LRP12: variants seen among roughly 807,000 people sequenced by gnomAD.
LRP12 encodes LDL receptor related protein 12, also known as low-density lipoprotein receptor-related protein 12.
A neutral mutation model predicts 66.0 loss-of-function variants in LRP12; 14 were observed. The ratio of observed to expected loss-of-function variants is 0.21; its 90% CI spans 0.14 to 0.33. LRP12 has a LOEUF of 0.33. LRP12 is among the 10% of genes least tolerant of loss of function. The pLI is 1.00. For synonymous variants in LRP12, 357 were observed against 359.1 expected (o/e 0.99, Z 0.07); for missense variants, 889 against 1,053.4 (o/e 0.84, Z 2.16).
chr8:104,550,653 A>G (rs1403830776), intron 1 of LRP12, among the ~76,000 whole-genome samples: 1 of 151,936 alleles, frequency 6.6e-6, no homozygotes, highest in Non-Finnish European at 1.5e-5. Flanking sequence ...TTCATGCACT[A>G]TATATTAAGT....
chr8:104,540,883 G>A (rs1212196674), intron 1 of LRP12, among the ~76,000 whole-genome samples: 1 of 152,114 alleles, frequency 6.6e-6, no homozygotes, highest in Non-Finnish European at 1.5e-5. Flanking sequence ...ACAGGCACGT[G>A]CCATCACGCC....
chr8:104,559,435 T>C (rs948307550), intron 1 of LRP12, among the ~76,000 whole-genome samples: 1 of 150,126 alleles, frequency 6.7e-6, no homozygotes, highest in Non-Finnish European at 1.5e-5. Flanking sequence ...AATGATACAA[T>C]GGACTTTGGG....
intron 1 of LRP12, among the ~76,000 whole-genome samples, chr8:104,560,859 A>G (rs924420770): frequency 2.0e-5 from 3 of 152,192 alleles, no homozygotes; most frequent in African/African-American, 7.2e-5. Flanking sequence ...CTCTTAGCCT[A>G]GAGTGATACT....
chr8:104,547,846 T>C (rs1437695375), intron 1 of LRP12, among the ~76,000 whole-genome samples: 3 of 128,350 alleles, frequency 2.3e-5, no homozygotes, highest in African/African-American at 8.6e-5. Flanking sequence ...TAATTCTATG[T>C]TATATTTTGT....
chr8:104,578,825 A>C (rs1287974481), intron 1 of LRP12, among the ~76,000 whole-genome samples: 3 of 152,148 alleles, frequency 2.0e-5, no homozygotes, highest in Non-Finnish European at 4.4e-5. Context: ...AAAGACAAAA[A>C]CCACATGATT....
At chr8:104,548,496 T>C (rs1450287443) in intron 1 of LRP12, among the ~76,000 whole-genome samples, 1 of 127,710 alleles carries the variant, frequency 7.8e-6, no homozygotes, top group East Asian at 2.2e-4. Flanking sequence ...TTGTATCTAA[T>C]ATATAATTCT....
At chr8:104,570,959 G>A (rs1313507429) in intron 1 of LRP12, among the ~76,000 whole-genome samples, 1 of 152,162 alleles carries the variant, frequency 6.6e-6, no homozygotes, top group African/African-American at 2.4e-5. Flanking sequence ...AGAAGTATAT[G>A]AGAAGATGTT....
intron 2 of LRP12, among the ~76,000 whole-genome samples, chr8:104,519,116 A>T (rs976095049): frequency 6.6e-6 from 1 of 152,104 alleles, no homozygotes; most frequent in Admixed American, 6.6e-5. Context: ...ACTTTGATTC[A>T]AAAGTCCTCT....
At chr8:104,563,083 G>A (rs892375694) in intron 1 of LRP12, among the ~76,000 whole-genome samples, 3 of 152,078 alleles carry the variant, frequency 2.0e-5, no homozygotes, top group African/African-American at 7.2e-5. Flanking sequence ...CAGATTTTAG[G>A]TTATGCTATC....
chr8:104,533,413 C>G (rs1811354306), intron 1 of LRP12, among the ~76,000 whole-genome samples: 2 of 152,096 alleles, frequency 1.3e-5, no homozygotes, highest in South Asian at 4.1e-4. Flanking sequence ...CCTTGCTACT[C>G]ACGAGTAGAC....
At chr8:104,531,597 T>C (rs1031240647) in intron 2 of LRP12, among the ~76,000 whole-genome samples, 3 of 152,156 alleles carry the variant, frequency 2.0e-5, no homozygotes, top group Non-Finnish European at 4.4e-5. Context: ...GTAAATTTCA[T>C]GTCACATAAC....
chr8:104,530,072 G>A (rs1056769937), intron 2 of LRP12, among the ~76,000 whole-genome samples: 1 of 151,642 alleles, frequency 6.6e-6, no homozygotes, highest in Admixed American at 6.6e-5. Flanking sequence ...ATTGTTTTTT[G>A]TTTTGAAATA....
intron 1 of LRP12, among the ~76,000 whole-genome samples, chr8:104,561,106 AAT>A (rs1438812765): frequency 6.6e-6 from 1 of 152,216 alleles, no homozygotes; most frequent in African/African-American, 2.4e-5. Context: ...AGCTACAGAC[AAT>A]ATGTAAATTA....
At chr8:104,523,593 T>C (rs1001023569) in intron 2 of LRP12, among the ~76,000 whole-genome samples, 3 of 152,206 alleles carry the variant, frequency 2.0e-5, no homozygotes, top group African/African-American at 4.8e-5. Flanking sequence ...CTCCAGTAAA[T>C]TGTGTGTCAC....
intron 2 of LRP12, among the ~76,000 whole-genome samples, chr8:104,522,740 A>C (rs1436461717): frequency 6.6e-6 from 1 of 152,168 alleles, no homozygotes; most frequent in African/African-American, 2.4e-5. Context: ...AATATTTTAT[A>C]AACTTCAGGC....
intron 1 of LRP12, among the ~76,000 whole-genome samples, chr8:104,568,293 A>T (rs917256251): frequency 6.6e-5 from 10 of 152,208 alleles, no homozygotes; most frequent in Non-Finnish European, 1.3e-4. Flanking sequence ...AAACCTATAT[A>T]TAACAGCAAA....
At chr8:104,549,747 A>G (rs1166981892) in intron 1 of LRP12, among the ~76,000 whole-genome samples, 1 of 152,186 alleles carries the variant, frequency 6.6e-6, no homozygotes, top group Non-Finnish European at 1.5e-5. Flanking sequence ...TACAAAGAAC[A>G]GTATCACTGT....
At chr8:104,541,521 A>T (rs904255028) in intron 1 of LRP12, among the ~76,000 whole-genome samples, 1 of 152,144 alleles carries the variant, frequency 6.6e-6, no homozygotes, top group African/African-American at 2.4e-5. Flanking sequence ...TATATCACGA[A>T]CTTCATCTTT....
intron 2 of LRP12, among the ~76,000 whole-genome samples, chr8:104,517,667 C>T (rs925741508): frequency 9.2e-5 from 14 of 151,950 alleles, no homozygotes; most frequent in African/African-American, 2.4e-4. Context: ...ATATAGGTAA[C>T]GGTGGTTAGT....
Sources: gnomAD v4.1 joint callset for allele counts (sites outside exome capture counted in the v4.1 genomes callset) on GRCh38, gnomAD v4.1.1 for gene constraint, MANE v1.5 for transcripts, NCBI Gene and HGNC (gene_info 2026-07-23, HGNC 2026-07-21) for gene names.